The following CACNA1A variants were observed in gnomAD, a reference collection of about 807,000 sequenced individuals.
The protein encoded by CACNA1A is voltage-dependent P/Q-type calcium channel subunit alpha-1A.
Under a neutral mutation model 262.4 loss-of-function variants are expected in CACNA1A, and 57 were observed. That is an observed-to-expected ratio of 0.22 (90% CI 0.18 to 0.27). The LOEUF (loss-of-function observed/expected upper bound fraction) is 0.27. Among genes scored for constraint, CACNA1A ranks in the 10% least tolerant of loss-of-function variants. The probability of loss-of-function intolerance (pLI) is 1.00; values close to 1 mark genes in which losing one functional copy is unlikely to be tolerated. For missense variants in CACNA1A, 2,526 were observed against 3,562.8 expected (o/e 0.71, Z 7.41); for synonymous variants, 1,431 against 1,419.3 (o/e 1.01, Z -0.18).
chr19:13,506,426 C>G lies in CACNA1A; in HGVS notation c.-202G>C. ...GGGTCGGGGGCTCAGAAGGCGGCTG[C>G]CCGGGCCGAGCCGGGGATAGCAGCT... On this transcript the variant is annotated 5_prime_UTR_variant, in exon 1 of 47. Coordinates refer to ENST00000360228, the MANE Select transcript of CACNA1A (RefSeq NM_001127222.2). The G allele has an allele frequency of 2.5e-6, 1 of 394,936 alleles. No individual in the cohort carries two copies. The highest frequency in any genetic ancestry group is 4.4e-6 in the Non-Finnish European group (1 of 227,586). 24.5% of individuals were successfully genotyped at this position (394,936 alleles called of 1,614,324 possible). A position where few individuals can be genotyped will look rare whatever the true frequency, so the allele number is the denominator to read the frequency against.
At chr19:13,400,030 C>A (rs907443988) in intron 3 of CACNA1A, among the ~76,000 whole-genome samples, 3 of 152,110 alleles carry the variant, frequency 2.0e-5, no homozygotes, top group Non-Finnish European at 2.9e-5. Context: ...CGCAGTGTTG[C>A]AAAGATGAAA....
intron 3 of CACNA1A, among the ~76,000 whole-genome samples, chr19:13,432,346 C>T (rs1390694502): frequency 6.6e-6 from 1 of 151,132 alleles, no homozygotes; most frequent in African/African-American, 2.4e-5. Flanking sequence ...ACCCAGGAGG[C>T]GGAGGTTGCA....
At position 13,299,127 on chromosome 19, in the gene CACNA1A, T is replaced by TG; in HGVS notation, c.2505dup (p.Asn836GlnfsTer231). Reference sequence around the variant, plus strand: ...GTGGGCTCGGCCGCCCGGCTCTTGTTGGTGTTGTTGTTGCGGTTCTCCTGC... The same window carrying TG: ...GTGGGCTCGGCCGCCCGGCTCTTGTTGGGTGTTGTTGTTGCGGTTCTCCTGC... On this transcript the variant is annotated frameshift_variant, in exon 19 of 47. Coordinates refer to ENST00000360228, the MANE Select transcript of CACNA1A (RefSeq NM_001127222.2). LOFTEE classifies it high-confidence loss of function. 6.2e-7 allele frequency: 1 copy of TG among 1,613,176 alleles called. No homozygotes were observed. The highest frequency in any genetic ancestry group is 8.5e-7 in the Non-Finnish European group (1 of 1,179,812).
chr19:13,338,340 T>C (rs962708280), intron 6 of CACNA1A, among the ~76,000 whole-genome samples: 4 of 152,188 alleles, frequency 2.6e-5, no homozygotes, highest in Non-Finnish European at 4.4e-5. Flanking sequence ...AAAATGCCAT[T>C]GTGCAGTGTA....
chr19:13,396,584 T>C (rs2059815725), intron 3 of CACNA1A, among the ~76,000 whole-genome samples: 1 of 152,234 alleles, frequency 6.6e-6, no homozygotes, highest in Non-Finnish European at 1.5e-5. Flanking sequence ...TTTCATTTGG[T>C]TAAATTTTAA....
chr19:13,214,788 T>C lies in CACNA1A; in HGVS notation c.5732-180A>G, dbSNP rs2054937768. On this transcript the variant is annotated intron_variant, in intron 38 of 46. Transcript: ENST00000360228. The surrounding 1 kb of genome is among the most constrained non-coding windows in gnomAD (Gnocchi z 4.1). Reference sequence around the variant, plus strand: ...CCTGGGCAGTGCTGCTGGAATGACCTTGTGGGCTCTGGTTTTCGGTGGGGC... The same window carrying C: ...CCTGGGCAGTGCTGCTGGAATGACCCTGTGGGCTCTGGTTTTCGGTGGGGC... 5 of 601,740 alleles carry C rather than the reference T, an allele frequency of 8.3e-6. No homozygotes were observed. 37.3% of individuals were successfully genotyped at this position (601,740 alleles called of 1,614,324 possible). A position where few individuals can be genotyped will look rare whatever the true frequency, so the allele number is the denominator to read the frequency against.
At chr19:13,332,993 A>T in intron 8 of CACNA1A, 68 bp from the exon 9 acceptor site, 1 of 1,290,792 alleles carries the variant, frequency 7.7e-7, no homozygotes, top group East Asian at 2.3e-5. Flanking sequence ...GACCAGGAAG[A>T]AGGGTCTGCC....
chr19:13,418,639 C>T (rs1472415069), intron 3 of CACNA1A, among the ~76,000 whole-genome samples: 1 of 152,122 alleles, frequency 6.6e-6, no homozygotes, highest in Non-Finnish European at 1.5e-5. Flanking sequence ...AGTGAAGCAA[C>T]TCCAAATCCA....
chr19:13,497,511 AAAAAAAAAAAATATATATATATATAT>A (rs1981735941), intron 1 of CACNA1A, among the ~76,000 whole-genome samples: 1 of 45,268 alleles, frequency 2.2e-5, no homozygotes, highest in African/African-American at 9.0e-5. Context: ...AAAAAAAAAA[AAAAAAAAAAAATATATATATATATAT>A]ATATATATAT....
At chr19:13,208,201 A>AG (rs2054647904) in intron 46 of CACNA1A, 148 bp from the exon 47 acceptor site, 1 of 91,722 alleles carries the variant, frequency 1.1e-5, no homozygotes, top group African/African-American at 4.8e-5. Context: ...GAGGAGGAGG[A>AG]GAGGGGGGAC....
chr19:13,354,620 G>A (rs999956372), intron 6 of CACNA1A, among the ~76,000 whole-genome samples: 7 of 152,180 alleles, frequency 4.6e-5, no homozygotes, highest in Non-Finnish European at 8.8e-5. Flanking sequence ...GAGTTCACAT[G>A]CAAGTCGTTT....
chr19:13,390,611 TA>T (rs1356147186), intron 3 of CACNA1A, among the ~76,000 whole-genome samples: 1 of 152,210 alleles, frequency 6.6e-6, no homozygotes, highest in African/African-American at 2.4e-5. Context: ...CACACAGTGC[TA>T]GGGACCTCTA....
chr19:13,380,757 A>G (rs62111198), intron 3 of CACNA1A, among the ~76,000 whole-genome samples: 5,023 of 97,762 alleles, frequency 0.051, 120 homozygotes, highest in East Asian at 0.19. Flanking sequence ...TTGTTTATTT[A>G]TTTATTTATT....
At chr19:13,454,060 G>T (rs2060962338) in intron 2 of CACNA1A, among the ~76,000 whole-genome samples, 1 of 151,834 alleles carries the variant, frequency 6.6e-6, no homozygotes, top group African/African-American at 2.4e-5. Flanking sequence ...GCAGGCTAAG[G>T]ATTGACTGAT....
chr19:13,307,975 A>G, intron 14 of CACNA1A, 121 bp from the exon 15 acceptor site: 2 of 1,361,500 alleles, frequency 1.5e-6, no homozygotes, highest in South Asian at 1.3e-5. Flanking sequence ...GGAAACCCTG[A>G]GTGGTACCCA....
intron 1 of CACNA1A, among the ~76,000 whole-genome samples, chr19:13,484,483 A>T (rs1979741025): frequency 6.6e-6 from 1 of 152,122 alleles, no homozygotes; most frequent in African/African-American, 2.4e-5. Context: ...AGAGGGGAAA[A>T]ATCATGCCAG....
chr19:13,354,860 T>A (rs1600407704), intron 6 of CACNA1A, among the ~76,000 whole-genome samples: 1 of 115,990 alleles, frequency 8.6e-6, no homozygotes, highest in East Asian at 3.2e-4. Flanking sequence ...GGAGGATGCT[T>A]TTCTTTTTCT....
intron 11 of CACNA1A, among the ~76,000 whole-genome samples, chr19:13,314,807 C>T (rs2058093699): frequency 6.6e-6 from 1 of 152,112 alleles, no homozygotes; most frequent in Admixed American, 6.5e-5. Flanking sequence ...TATTTATCAC[C>T]AAAATTTCTC....
chr19:13,311,880 T>TA (rs2058043180), intron 12 of CACNA1A, among the ~76,000 whole-genome samples: 1 of 130,488 alleles, frequency 7.7e-6, no homozygotes, highest in African/African-American at 3.0e-5. Flanking sequence ...AATAAATAAA[T>TA]TATTAAGCCT....
Sources: gnomAD v4.1 joint callset for allele counts (sites outside exome capture counted in the v4.1 genomes callset) on GRCh38, gnomAD v4.1.1 for gene constraint, Gnocchi (gnomAD v3.1) non-coding constraint, MANE v1.5 for transcripts, NCBI Gene and HGNC (gene_info 2026-07-23, HGNC 2026-07-21) for gene names.